The following PARG variants were observed in gnomAD, a reference collection of about 807,000 sequenced individuals.
The protein encoded by PARG is mitochondrial poly(ADP-ribose) glycohydrolase.
PARG carries 35 observed loss-of-function variants against 113.0 expected under a neutral mutation model. The ratio of observed to expected loss-of-function variants is 0.31; its 90% CI spans 0.24 to 0.41. PARG has a LOEUF of 0.41. Ranked by LOEUF, PARG falls within the 10% of genes least tolerant of loss-of-function variation. The pLI is 1.00. For missense variants in PARG, 797 were observed against 1,169.4 expected (o/e 0.68, Z 4.64); for synonymous variants, 330 against 409.9 (o/e 0.81, Z 2.36).
At chr10:49,831,864 T>C (rs1554830308) in intron 16 of PARG, among the ~76,000 whole-genome samples, 1 of 152,190 alleles carries the variant, frequency 6.6e-6, no homozygotes, top group Non-Finnish European at 1.5e-5. Context: ...GGGAACCTCC[T>C]ACAATAGTAA....
chr10:49,888,243 A>G (rs1847594667), intron 7 of PARG, among the ~76,000 whole-genome samples: 1 of 151,614 alleles, frequency 6.6e-6, no homozygotes, highest in Non-Finnish European at 1.5e-5. Context: ...AACAGTGAAA[A>G]AAGTCAAACA....
intron 14 of PARG, among the ~76,000 whole-genome samples, chr10:49,842,493 T>A (rs1467458638): frequency 6.6e-6 from 1 of 152,224 alleles, no homozygotes; most frequent in Non-Finnish European, 1.5e-5. Flanking sequence ...CACTATATAC[T>A]GTCCAGGAAA....
chr10:49,923,194 T>C lies in PARG; in HGVS notation c.1456-525A>G, dbSNP rs1410975002. On this transcript the variant is annotated intron_variant, in intron 4 of 17. Coordinates refer to ENST00000616448, the MANE Select transcript of PARG (RefSeq NM_003631.5). ...TCTTTTTAATACCACTACTACCAATTGCCACCTCCCCCACTGTATCTGGTT... is the reference window on the plus strand; with the variant it reads ...TCTTTTTAATACCACTACTACCAATCGCCACCTCCCCCACTGTATCTGGTT... 2.0e-5 allele frequency among the ~76,000 whole-genome samples: 3 copies of C among 152,224 alleles called. No individual in the cohort carries two copies. In the East Asian group the frequency reaches 5.8e-4, roughly 29 times the overall value.
Position 49,933,693 on chromosome 10 carries a change from T to C in PARG, c.755A>G (p.Gln252Arg). The change falls in exon 3 of 18, where the codon CAA becomes CGA. Residue 252 changes from glutamine (Q) to arginine (R), a missense_variant. Transcript: ENST00000616448. ...DPGEDCASCQ[Q>R]DEIDVVPESP... ...CTCTGGCACCACATCTATCTCATCT[T>C]GCTGACAACTTGCACAGTCTTCCCC... 6.2e-7 allele frequency: 1 copy of C among 1,611,696 alleles called. No individual in the cohort carries two copies. The highest frequency in any genetic ancestry group is 1.1e-5 in the South Asian group (1 of 91,040).
chr10:49,848,687 T>C (rs1554833715), intron 13 of PARG, among the ~76,000 whole-genome samples: 1 of 151,918 alleles, frequency 6.6e-6, no homozygotes, highest in Admixed American at 6.6e-5. Flanking sequence ...CACATAACAT[T>C]GGTAGAGCAC....
intron 12 of PARG, among the ~76,000 whole-genome samples, chr10:49,859,764 C>T (rs1412710507): frequency 6.6e-6 from 1 of 152,192 alleles, no homozygotes; most frequent in Non-Finnish European, 1.5e-5. Flanking sequence ...AAGGTGTGCA[C>T]AGAAATAAAG....
chr10:49,838,891 T>G (rs1205472717), intron 15 of PARG, among the ~76,000 whole-genome samples: 1 of 152,192 alleles, frequency 6.6e-6, no homozygotes, highest in East Asian at 1.9e-4. Flanking sequence ...TGTCCCAAAC[T>G]TGATTTGACA....
At chr10:49,828,214 A>C (rs1206399411) in intron 16 of PARG, among the ~76,000 whole-genome samples, 1 of 145,300 alleles carries the variant, frequency 6.9e-6, no homozygotes, top group Admixed American at 6.9e-5. Flanking sequence ...TGAGTTTTTG[A>C]GGCAACCAAA....
At chr10:49,915,877 T>A (rs1554847448) in intron 7 of PARG, 40 bp downstream of exon 7, 3 of 1,008,296 alleles carry the variant, frequency 3.0e-6, no homozygotes, top group Non-Finnish European at 4.6e-6. Context: ...CTTATTGAGT[T>A]GTCAATAATA....
At chr10:49,829,539 A>C (rs1844551551) in intron 16 of PARG, among the ~76,000 whole-genome samples, 2 of 152,232 alleles carry the variant, frequency 1.3e-5, no homozygotes, top group Admixed American at 6.5e-5. Flanking sequence ...GCAGATTAAA[A>C]ATAAAGTATA....
rs1838515566 is a variant in PARG, at chr10:49,932,118, A to G, written c.1437T>C (p.Asn479=). 9 of 1,598,332 alleles carry G rather than the reference A, an allele frequency of 5.6e-6. No homozygotes were observed. The highest frequency in any genetic ancestry group is 6.9e-6 in the Non-Finnish European group (8 of 1,165,588). ...IRLPLLRPSA[N]HTVTIRVDLL... ...TACCTACCCGAATAGTTACTGTGTG[A>G]TTGGCAGATGGTCTCAAGAGAGGCA... Residue 479 remains asparagine, a synonymous_variant, in exon 4 of 18, where the codon AAT becomes AAC. Transcript: ENST00000616448.
chr10:49,927,369 G>A (rs200761432), intron 4 of PARG, among the ~76,000 whole-genome samples: 66 of 130,756 alleles, frequency 5.0e-4, no homozygotes, highest in African/African-American at 1.7e-3. Context: ...AAGGAAAGAA[G>A]GAAAGAAAGA....
At chr10:49,840,050 A>G (rs1488490689) in intron 15 of PARG, among the ~76,000 whole-genome samples, 1 of 152,252 alleles carries the variant, frequency 6.6e-6, no homozygotes, top group Non-Finnish European at 1.5e-5. Flanking sequence ...AGTTTGGAAC[A>G]GTGAAAATAG....
At chr10:49,920,463 A>AAAAAAAAATAT (rs1431747248) in intron 6 of PARG, among the ~76,000 whole-genome samples, 1 of 47,988 alleles carries the variant, frequency 2.1e-5, no homozygotes, top group African/African-American at 5.0e-5. Context: ...AAAAAAAAAA[A>AAAAAAAAATAT]ATATATATAT....
chr10:49,852,575 T>C (rs1845804711), intron 13 of PARG, among the ~76,000 whole-genome samples: 1 of 146,496 alleles, frequency 6.8e-6, no homozygotes, highest in East Asian at 1.9e-4. Context: ...TCTTTTTTTC[T>C]TTTTTTTGAG....
intron 7 of PARG, among the ~76,000 whole-genome samples, chr10:49,888,708 G>C (rs1300205205): frequency 6.6e-6 from 1 of 151,912 alleles, no homozygotes; most frequent in Non-Finnish European, 1.5e-5. Flanking sequence ...AATTTCTTTG[G>C]GTTTATCCTA....
chr10:49,916,081 C>T (rs2664654), intron 6 of PARG, 90 bp from the exon 7 acceptor site: 174 of 731,644 alleles, frequency 2.4e-4, no homozygotes, highest in African/African-American at 1.1e-3. Context: ...ACCTCCAGTA[C>T]ATTTCATAAT....
chr10:49,922,541 T>G lies in PARG; in HGVS notation c.1578+6A>C. ...GAGACTAAAAGAATCTCGGTTTTGT[T>G]CTTACCTCATCTTCCACTGGGTACA... On this transcript the variant is annotated splice_donor_region_variant and intron_variant, in intron 5 of 17. Transcript: ENST00000616448. 6.2e-7 allele frequency: 1 copy of G among 1,611,420 alleles called. No individual in the cohort carries two copies. The highest frequency in any genetic ancestry group is 8.5e-7 in the Non-Finnish European group (1 of 1,179,606).
chr10:49,900,345 A>T (rs1554843594), intron 7 of PARG, among the ~76,000 whole-genome samples: 1 of 151,938 alleles, frequency 6.6e-6, no homozygotes, highest in Admixed American at 6.6e-5. Flanking sequence ...GACTTTCTGG[A>T]TGTGGTGGAA....
Sources: gnomAD v4.1 joint callset for allele counts (sites outside exome capture counted in the v4.1 genomes callset) on GRCh38, gnomAD v4.1.1 for gene constraint, MANE v1.5 for transcripts, NCBI Gene and HGNC (gene_info 2026-07-23, HGNC 2026-07-21) for gene names.